The following RAB3A variants were observed in gnomAD, a reference collection of about 807,000 sequenced individuals.
RAB3A encodes ras-related protein Rab-3A.
A neutral mutation model predicts 19.7 loss-of-function variants in RAB3A; 5 were observed. The ratio of observed to expected loss-of-function variants is 0.25; its 90% CI spans 0.13 to 0.53. RAB3A has a LOEUF of 0.53. RAB3A is among the 20% of genes least tolerant of loss of function. The pLI is 0.95. For synonymous variants in RAB3A, 119 were observed against 122.1 expected (o/e 0.97, Z 0.17); for missense variants, 189 against 305.6 (o/e 0.62, Z 2.85).
intron 2 of RAB3A, among the ~76,000 whole-genome samples, chr19:18,201,987 C>T (rs1236436067): frequency 6.6e-6 from 1 of 151,970 alleles, no homozygotes; most frequent in Non-Finnish European, 1.5e-5. Flanking sequence ...AATCTTAGCA[C>T]TTTGAGAGGC....
At position 18,202,633 on chromosome 19, in the gene RAB3A, C is replaced by T. The variant is rs766398165; in HGVS notation, c.108G>A (p.Thr36=). 1.4e-5 allele frequency: 22 copies of T among 1,614,028 alleles called. No individual in the cohort carries two copies. The East Asian group carries it at 4.5e-4, about 33-fold the overall frequency. The change falls in exon 2 of 5, where the codon ACG becomes ACA. Residue 36 remains threonine (T), a synonymous_variant. Coordinates refer to ENST00000222256, the MANE Select transcript of RAB3A (RefSeq NM_002866.5). This position sits in a 1 kb window ranked among gnomAD's most constrained non-coding sequence, Gnocchi z 4.2. ...LIIGNSSVGK[T]SFLFRYADDS... ...CGTCAGCATAGCGGAAGAGGAAGGA[C>T]GTCTTGCCCACGCTGCTGTTGCCGA...
At chr19:18,203,327 C>G (rs907039427) in intron 1 of RAB3A, among the ~76,000 whole-genome samples, 1 of 152,226 alleles carries the variant, frequency 6.6e-6, no homozygotes, top group Non-Finnish European at 1.5e-5. Flanking sequence ...ACACAGACAC[C>G]TGTTTGCACA....
rs575669936 is a variant in RAB3A at position 18,201,119 on chromosome 19, C to T, written c.229-674G>A. Among the ~76,000 whole-genome samples the T allele has an allele frequency of 1.5e-3, 234 of 151,516 alleles. 2 individuals carry two copies. Among genetic ancestry groups the T allele is most frequent in the African/African-American group, 5.5e-3 (226 of 41,222 alleles). ...GCGTGGTGGCATGCACCTGTAATCC[C>T]AGCTACTCAGGAGGCTGAGGCAGGA... On this transcript the variant is annotated intron_variant, in intron 2 of 4. Coordinates refer to ENST00000222256, the MANE Select transcript of RAB3A (RefSeq NM_002866.5).
chr19:18,199,420 G>T (rs1967578167), intron 3 of RAB3A, among the ~76,000 whole-genome samples: 1 of 152,012 alleles, frequency 6.6e-6, no homozygotes. Context: ...CTCCCAAGGT[G>T]CTGGGATTAT....
chr19:18,198,161 A>G (rs1967559912), intron 4 of RAB3A, among the ~76,000 whole-genome samples: 1 of 151,912 alleles, frequency 6.6e-6, no homozygotes, highest in Admixed American at 6.6e-5. Context: ...ACTCAAATCC[A>G]GCTGTGACCT....
intron 1 of RAB3A, among the ~76,000 whole-genome samples, chr19:18,203,616 C>T (rs958916941): frequency 6.6e-6 from 1 of 152,222 alleles, no homozygotes; most frequent in Non-Finnish European, 1.5e-5. Context: ...GCACACCACG[C>T]GCACGCGCAC....
intron 2 of RAB3A, among the ~76,000 whole-genome samples, chr19:18,201,286 A>AGAAAGAAG (rs1967607770): frequency 2.0e-5 from 3 of 150,328 alleles, no homozygotes; most frequent in Non-Finnish European, 4.4e-5. Context: ...AAAGAAAGAA[A>AGAAAGAAG]GAAAGAAAAC....
rs760630428 is a variant in RAB3A at position 18,202,790 on chromosome 19, C to T, written c.1-50G>A. ...CCGTGAGGGGGGCTCTCTCCATCCT[C>T]ATGTGCCCAAGCCCAGGCAGAAGAT... On this transcript the variant is annotated intron_variant, in intron 1 of 4. Transcript: ENST00000222256. The surrounding 1 kb of genome is among the most constrained non-coding windows in gnomAD (Gnocchi z 4.2). 1 of 1,485,606 alleles carries T rather than the reference C, an allele frequency of 6.7e-7. No individual in the cohort carries two copies. The highest frequency in any genetic ancestry group is 9.4e-7 in the Non-Finnish European group (1 of 1,068,854). The allele number at this position is 1,485,606 out of a possible 1,614,324, so 92.0% of individuals were successfully genotyped here. A position where few individuals can be genotyped will look rare whatever the true frequency, so the allele number is the denominator to read the frequency against.
chr19:18,198,689 T>C, intron 4 of RAB3A, 36 bp downstream of exon 4: 1 of 1,612,288 alleles, frequency 6.2e-7, no homozygotes, highest in Non-Finnish European at 8.5e-7. Context: ...GTCCTTTTTC[T>C]AGACTTGTGG....
rs539024223 is a variant in RAB3A at position 18,197,388 on chromosome 19, G to T, written c.*82C>A. 3 of 1,346,692 alleles carry T rather than the reference G, an allele frequency of 2.2e-6. No individual in the cohort carries two copies. In the East Asian group the frequency reaches 7.3e-5, roughly 33 times the overall value. The allele number at this position is 1,346,692 out of a possible 1,614,324, so 83.4% of individuals were successfully genotyped here. A position where few individuals can be genotyped will look rare whatever the true frequency, so the allele number is the denominator to read the frequency against. On this transcript the variant is annotated 3_prime_UTR_variant, in exon 5 of 5. Coordinates refer to ENST00000222256, the MANE Select transcript of RAB3A (RefSeq NM_002866.5). The stretch of plus-strand genomic sequence containing the variant: ...CAGGAGCAGGGGTCTTGTGCCCGTG[G>T]CTGGTAGGGGCCGGGTCAGGCCCGG...
At position 18,197,554 on chromosome 19, in the gene RAB3A, C is replaced by T. The variant is rs770856013; in HGVS notation, c.579G>A (p.Thr193=). The T allele has an allele frequency of 8.1e-6, 13 of 1,613,850 alleles. No homozygotes were observed. In the East Asian group the frequency reaches 1.1e-4, roughly 14 times the overall value. Residue 193 remains threonine (T), a synonymous_variant, in exon 5 of 5, where the codon ACG becomes ACA. Transcript: ENST00000222256. Reference sequence around the variant, plus strand: ...TGGCGCCTGTGACCGCAGGGTCCGCCGTGTCCAACGACTCGGACATCTTCT... The same window carrying T: ...TGGCGCCTGTGACCGCAGGGTCCGCTGTGTCCAACGACTCGGACATCTTCT... ...ICEKMSESLD[T]ADPAVTGAKQ...
Position 18,202,032 on chromosome 19 carries a change from A to C in RAB3A, c.228+481T>G, listed in dbSNP as rs1050287605. On this transcript the variant is annotated intron_variant, in intron 2 of 4. Transcript: ENST00000222256. The surrounding 1 kb of genome is among the most constrained non-coding windows in gnomAD (Gnocchi z 4.2). ...AGGATCGCTTGAGCCCAGGAGTTCAAGACCAGCCTGGGCAGACATAGCCCG... is the reference window on the plus strand; with the variant it reads ...AGGATCGCTTGAGCCCAGGAGTTCACGACCAGCCTGGGCAGACATAGCCCG... 2.6e-5 allele frequency among the ~76,000 whole-genome samples: 4 copies of C among 152,140 alleles called. No homozygotes were observed. Among genetic ancestry groups the C allele is most frequent in the African/African-American group, 9.7e-5 (4 of 41,432 alleles).
At chr19:18,197,945 C>A (rs1967555123) in intron 4 of RAB3A, among the ~76,000 whole-genome samples, 1 of 135,048 alleles carries the variant, frequency 7.4e-6, no homozygotes, top group Non-Finnish European at 1.5e-5. Flanking sequence ...GTGGCGTGAT[C>A]ATAGCTCACT....
In RAB3A at chr19:18,202,798, C is replaced by A; in HGVS notation, c.1-58G>T. On this transcript the variant is annotated intron_variant, in intron 1 of 4. Coordinates refer to ENST00000222256, the MANE Select transcript of RAB3A (RefSeq NM_002866.5). This position sits in a 1 kb window ranked among gnomAD's most constrained non-coding sequence, Gnocchi z 4.2. ...GGGGCTCTCTCCATCCTCATGTGCCCAAGCCCAGGCAGAAGATGGCAAGGG... is the reference window on the plus strand; with the variant it reads ...GGGGCTCTCTCCATCCTCATGTGCCAAAGCCCAGGCAGAAGATGGCAAGGG... 7.1e-7 allele frequency: 1 copy of A among 1,403,086 alleles called. No homozygotes were observed. Among genetic ancestry groups the A allele is most frequent in the Non-Finnish European group, 1.0e-6 (1 of 998,260 alleles). The allele number at this position is 1,403,086 out of a possible 1,614,324, so 86.9% of individuals were successfully genotyped here.
intron 3 of RAB3A, 34 bp from the exon 4 acceptor site, chr19:18,198,883 T>TTG: frequency 3.1e-6 from 5 of 1,605,880 alleles, no homozygotes; most frequent in Non-Finnish European, 4.3e-6. Flanking sequence ...AGGTCAGGGC[T>TTG]TGGAGGATCC....
Position 18,197,421 on chromosome 19 carries a change from G to T in RAB3A, c.*49C>A. ...GGGCCGGGTCAGGCCCGGGTAGTTG[G>T]GGGAAGGTGGGGAAGACAGGGAAGA... On this transcript the variant is annotated 3_prime_UTR_variant, in exon 5 of 5. Transcript: ENST00000222256. 6.4e-7 allele frequency: 1 copy of T among 1,571,824 alleles called. No homozygotes were observed. Among genetic ancestry groups the T allele is most frequent in the Non-Finnish European group, 8.7e-7 (1 of 1,154,800 alleles).
At chr19:18,201,149 C>T (rs1177721432) in intron 2 of RAB3A, among the ~76,000 whole-genome samples, 1 of 148,084 alleles carries the variant, frequency 6.8e-6, no homozygotes, top group Non-Finnish European at 1.5e-5. Flanking sequence ...GCAGGAGAAT[C>T]GCTTGAACTC....
intron 2 of RAB3A, 77 bp from the exon 3 acceptor site, chr19:18,200,522 C>A: frequency 8.1e-7 from 1 of 1,228,808 alleles, no homozygotes. Context: ...TGATATCATC[C>A]AGTTCAGCCC....
intron 1 of RAB3A, among the ~76,000 whole-genome samples, 176 bp downstream of exon 1, chr19:18,203,720 G>GTGGTGGGGTTAGT (rs1323250573): frequency 6.6e-6 from 1 of 152,202 alleles, no homozygotes; most frequent in Non-Finnish European, 1.5e-5. Flanking sequence ...TTAGTGGTGA[G>GTGGTGGGGTTAGT]GATCAGGCAG....
Sources: allele counts gnomAD v4.1 joint callset (sites outside exome capture counted in the v4.1 genomes callset), GRCh38; gene constraint gnomAD v4.1.1; non-coding constraint Gnocchi (gnomAD v3.1); transcripts MANE v1.5; gene names NCBI Gene and HGNC (gene_info 2026-07-23, HGNC 2026-07-21).